Variants in CYP46A1 observed in about 807,000 individuals in gnomAD.
CYP46A1 encodes the protein cytochrome P450 family 46 subfamily A member 1.
CYP46A1 carries 20 observed loss-of-function variants against 63.3 expected under a neutral mutation model. The observed-to-expected ratio is 0.32, with a 90% confidence interval of 0.22 to 0.46. CYP46A1 has a LOEUF of 0.46. Among genes scored for constraint, CYP46A1 ranks in the 20% least tolerant of loss-of-function variants. The pLI, the probability that CYP46A1 is intolerant of heterozygous loss-of-function variation, is 1.00. For synonymous variants in CYP46A1, 268 were observed against 273.6 expected, an observed-to-expected ratio of 0.98 and a Z score of 0.20; for missense variants, 445 against 670.8, an observed-to-expected ratio of 0.66 and a Z score of 3.72.
chr14:99,722,021 G>C lies in CYP46A1; in HGVS notation c.1131G>C (p.Glu377Asp). 1 of 1,613,640 alleles carries C rather than the reference G, an allele frequency of 6.2e-7. No homozygotes were observed. Among genetic ancestry groups the C allele is most frequent in the African/African-American group, 1.3e-5 (1 of 75,030 alleles). ...AWGTFRLLEE[E>D]TLIDGVRVPG... ...GCACCTTTCGCCTGCTGGAAGAGGA[G>C]ACCTTGATTGATGGGGTCAGAGTCC... is the stretch of plus-strand genomic sequence containing the variant. The change falls in exon 12 of 15, where the codon GAG becomes GAC. Residue 377 changes from glutamate to aspartate, a missense_variant. Physicochemically the swap from Glu to Asp is conservative, Grantham distance 45 (BLOSUM62 2). Coordinates refer to ENST00000261835, the MANE Select transcript of CYP46A1 (RefSeq NM_006668.2). This position sits in a 1 kb window ranked among gnomAD's most constrained non-coding sequence, Gnocchi z 4.6.
At position 99,726,960 on chromosome 14, in the gene CYP46A1, T is replaced by A. The variant is rs2056909089; in HGVS notation, c.*233T>A. Reference sequence around the variant, plus strand: ...TTGCCCAACTCCCAGCCACCACCACTGTCCCTACCACTGAGCCCTTGCACA... The same window carrying A: ...TTGCCCAACTCCCAGCCACCACCACAGTCCCTACCACTGAGCCCTTGCACA... On this transcript the variant is annotated 3_prime_UTR_variant, in exon 15 of 15. Coordinates refer to ENST00000261835, the MANE Select transcript of CYP46A1 (RefSeq NM_006668.2). 2.4e-6 allele frequency: 1 copy of A among 424,892 alleles called. No homozygotes were observed. 26.3% of individuals were successfully genotyped at this position (424,892 alleles called of 1,614,324 possible).
chr14:99,691,389 C>T, intron 2 of CYP46A1: 1 of 595,082 alleles, frequency 1.7e-6, no homozygotes, highest in South Asian at 2.1e-5. Context: ...CTCTCTGAGC[C>T]TCAGTTTCCT....
rs1312734720 is a variant in CYP46A1, at chr14:99,713,873, A to AC, written c.694-1937_694-1936insC. On this transcript the variant is annotated intron_variant, in intron 7 of 14. Coordinates refer to ENST00000261835, the MANE Select transcript of CYP46A1 (RefSeq NM_006668.2). ...AGAGTGAGACTCCATCTCAAAAAAA[A>AC]AAAAAAAAAAAAAAAAAGACGTGTG... 1.4e-4 allele frequency among the ~76,000 whole-genome samples: 20 copies of AC among 146,902 alleles called. No individual in the cohort carries two copies. The East Asian group carries it at 3.4e-3, about 25-fold the overall frequency.
chr14:99,704,740 C>T (rs17643008), intron 5 of CYP46A1, among the ~76,000 whole-genome samples: 45,720 of 152,154 alleles, frequency 0.3, 7,691 homozygotes, highest in South Asian at 0.39. Flanking sequence ...ACTTGCCAAC[C>T]ATGTAAGCAT....
intron 7 of CYP46A1, among the ~76,000 whole-genome samples, chr14:99,715,533 C>T (rs528838882): frequency 6.6e-6 from 1 of 152,250 alleles, no homozygotes; most frequent in South Asian, 2.1e-4. Context: ...CTCCACTCAT[C>T]AGGGGTCCCT....
chr14:99,726,746 C>G lies in CYP46A1; in HGVS notation c.*19C>G, dbSNP rs771647447. On this transcript the variant is annotated 3_prime_UTR_variant, in exon 15 of 15. Coordinates refer to ENST00000261835, the MANE Select transcript of CYP46A1 (RefSeq NM_006668.2). ...CTGCTGAGGGGGCCTCCAGGCAGGA[C>G]GAGACTCCTCGGGCAAGGGCCGTGC... 3.3e-6 allele frequency: 5 copies of G among 1,495,768 alleles called. No homozygotes were observed. The highest frequency in any genetic ancestry group is 4.5e-6 in the Non-Finnish European group (5 of 1,119,198). The allele number at this position is 1,495,768 out of a possible 1,614,324, so 92.7% of individuals were successfully genotyped here.
At chr14:99,688,621 A>C (rs1263084952) in intron 1 of CYP46A1, among the ~76,000 whole-genome samples, 1 of 151,858 alleles carries the variant, frequency 6.6e-6, no homozygotes, top group Non-Finnish European at 1.5e-5. Context: ...CATCATCCCC[A>C]TTTTTATATA....
rs1405007498 is a variant in CYP46A1, at chr14:99,722,508, C to T, written c.1176+442C>T. ...GTGTCTCTTTGTTTGCTTACTTGTT[C>T]ATTTATCCATTCATCCAGGCATTTA... On this transcript the variant is annotated intron_variant, in intron 12 of 14. Coordinates refer to ENST00000261835, the MANE Select transcript of CYP46A1 (RefSeq NM_006668.2). The surrounding 1 kb of genome is among the most constrained non-coding windows in gnomAD (Gnocchi z 4.6). 6.6e-6 allele frequency among the ~76,000 whole-genome samples: 1 copy of T among 152,102 alleles called. No individual in the cohort carries two copies. Among genetic ancestry groups the T allele is most frequent in the Non-Finnish European group, 1.5e-5 (1 of 68,018 alleles).
chr14:99,721,737 T>C (rs570202597), intron 11 of CYP46A1, among the ~76,000 whole-genome samples: 35 of 152,030 alleles, frequency 2.3e-4, no homozygotes, highest in Admixed American at 4.6e-4. Flanking sequence ...AGCTCTGCCA[T>C]TGTGGCCTTG....
At chr14:99,688,548 T>G (rs911311249) in intron 1 of CYP46A1, among the ~76,000 whole-genome samples, 1 of 152,164 alleles carries the variant, frequency 6.6e-6, no homozygotes, top group African/African-American at 2.4e-5. Context: ...CTGCCCCCTC[T>G]GCTCAGCAAC....
chr14:99,697,836 G>T (rs953270012), intron 3 of CYP46A1, among the ~76,000 whole-genome samples: 2 of 152,124 alleles, frequency 1.3e-5, no homozygotes, highest in East Asian at 3.9e-4. Context: ...GGTTGTGGGG[G>T]TCACCTGGTC....
intron 12 of CYP46A1, chr14:99,723,161 A>T: frequency 4.4e-6 from 1 of 228,374 alleles, no homozygotes; most frequent in East Asian, 9.8e-5. Context: ...CTGATTACTA[A>T]CTAGTAAGCG....
intron 4 of CYP46A1, 97 bp downstream of exon 4, chr14:99,699,636 G>C (rs908437148): frequency 7.6e-7 from 1 of 1,322,258 alleles, no homozygotes; most frequent in Non-Finnish European, 1.1e-6. Context: ...TAGAATTGAG[G>C]CCTGAGGCCC....
intron 3 of CYP46A1, chr14:99,693,513 T>C (rs934635614): frequency 1.3e-5 from 2 of 152,264 alleles, no homozygotes; most frequent in African/African-American, 4.8e-5. Flanking sequence ...ATCTTTTAAT[T>C]ATTGTTAGAT....
chr14:99,696,401 A>C (rs991141211), intron 3 of CYP46A1, among the ~76,000 whole-genome samples: 3 of 152,062 alleles, frequency 2.0e-5, no homozygotes, highest in African/African-American at 7.2e-5. Flanking sequence ...GACTACCACC[A>C]TGCCCAGCTA....
intron 7 of CYP46A1, 74 bp downstream of exon 7, chr14:99,707,752 G>T (rs1227021586): frequency 5.5e-6 from 7 of 1,268,748 alleles, no homozygotes; most frequent in African/African-American, 1.6e-5. Flanking sequence ...ACCTCCTTCA[G>T]TGATTTTTTT....
chr14:99,722,161 C>A lies in CYP46A1; in HGVS notation c.1176+95C>A. The A allele has an allele frequency of 1.2e-6, 1 of 862,274 alleles. No homozygotes were observed. Among genetic ancestry groups the A allele is most frequent in the Non-Finnish European group, 1.8e-6 (1 of 546,776 alleles). The allele number at this position is 862,274 out of a possible 1,614,324, so 53.4% of individuals were successfully genotyped here. A position where few individuals can be genotyped will look rare whatever the true frequency, so the allele number is the denominator to read the frequency against. On this transcript the variant is annotated intron_variant, in intron 12 of 14. Coordinates refer to ENST00000261835, the MANE Select transcript of CYP46A1 (RefSeq NM_006668.2). This position sits in a 1 kb window ranked among gnomAD's most constrained non-coding sequence, Gnocchi z 4.6. ...CACCAGGGGAGCCTGTGGCCCTGTT[C>A]CCATCATTGCAACGGGCCTCACTGG...
intron 3 of CYP46A1, among the ~76,000 whole-genome samples, chr14:99,697,306 CTCTT>C (rs2056595218): frequency 6.6e-6 from 1 of 151,428 alleles, no homozygotes; most frequent in Non-Finnish European, 1.5e-5. Context: ...CTTTGTTCTG[CTCTT>C]TCTATGCATA....
At chr14:99,716,464 C>T (rs911913) in intron 9 of CYP46A1, among the ~76,000 whole-genome samples, 19,613 of 152,238 alleles carry the variant, frequency 0.13, 1,499 homozygotes, top group East Asian at 0.18. Flanking sequence ...ATGCAGGCAT[C>T]CCCTCACTCA....
Sources: allele counts gnomAD v4.1 joint callset (sites outside exome capture counted in the v4.1 genomes callset), GRCh38; gene constraint gnomAD v4.1.1; non-coding constraint Gnocchi (gnomAD v3.1); transcripts MANE v1.5; gene names NCBI Gene and HGNC (gene_info 2026-07-23, HGNC 2026-07-21).